The following GPRC5B variants were observed in gnomAD, a reference collection of about 807,000 sequenced individuals.
The protein encoded by GPRC5B is G protein-coupled receptor class C group 5 member B.
A neutral mutation model predicts 30.1 loss-of-function variants in GPRC5B; 16 were observed. The observed-to-expected ratio is 0.53, with a 90% CI of 0.36 to 0.81. GPRC5B has a LOEUF of 0.81. Ranked by LOEUF, GPRC5B falls within the 30% of genes least tolerant of loss-of-function variation. The pLI is 0.01. For missense variants in GPRC5B, 428 were observed against 544.7 expected, an observed-to-expected ratio of 0.79 and a Z score of 2.13; for synonymous variants, 241 against 239.5, an observed-to-expected ratio of 1.01 and a Z score of -0.06.
At position 19,872,777 on chromosome 16, in the gene GPRC5B, G is replaced by A. The variant is rs777829448; in HGVS notation, c.69C>T (p.Ile23=). ...QVLTFLLLFV[I]TSVASENAST... ...TGGCGTTTTCAGAGGCCACCGAGGTGATCACGAAGAGCAGGAGGAAGGTGA... is the reference window on the plus strand; with the variant it reads ...TGGCGTTTTCAGAGGCCACCGAGGTAATCACGAAGAGCAGGAGGAAGGTGA... Residue 23 remains isoleucine (I), a synonymous_variant, in exon 2 of 4, where the codon ATC becomes ATT. Coordinates refer to ENST00000300571, the MANE Select transcript of GPRC5B (RefSeq NM_016235.3). This position sits in a 1 kb window ranked among gnomAD's most constrained non-coding sequence, Gnocchi z 5.0. 6.8e-6 allele frequency: 11 copies of A among 1,613,702 alleles called. 1 individual carries two copies. In the South Asian group the frequency reaches 1.2e-4, roughly 18 times the overall value.
At chr16:19,863,704 T>A (rs2056645175) in intron 2 of GPRC5B, among the ~76,000 whole-genome samples, 1 of 151,948 alleles carries the variant, frequency 6.6e-6, no homozygotes. Context: ...GGTTTCACCA[T>A]GTTGGCCAAG....
Position 19,860,478 on chromosome 16 carries a change from A to T in GPRC5B, c.*22T>A. On this transcript the variant is annotated 3_prime_UTR_variant, in exon 4 of 4. Coordinates refer to ENST00000300571, the MANE Select transcript of GPRC5B (RefSeq NM_016235.3). ...AGGCAAATCGGTAAGAGAAATTCTGATTCTCTGGAACTTAAAGTCTTTCAC... is the reference window on the plus strand; with the variant it reads ...AGGCAAATCGGTAAGAGAAATTCTGTTTCTCTGGAACTTAAAGTCTTTCAC... The T allele has an allele frequency of 5.3e-6, 8 of 1,508,382 alleles. No homozygotes were observed. Among genetic ancestry groups the T allele is most frequent in the Non-Finnish European group, 7.4e-6 (8 of 1,084,432 alleles). The allele number at this position is 1,508,382 out of a possible 1,614,324, so 93.4% of individuals were successfully genotyped here.
chr16:19,878,336 C>T (rs12918906), intron 1 of GPRC5B, among the ~76,000 whole-genome samples: 15,727 of 151,704 alleles, frequency 0.1, 1,066 homozygotes, highest in South Asian at 0.24. Context: ...GACAGAGTCT[C>T]GCTCTGTTGC....
At position 19,858,469 on chromosome 16, in the gene GPRC5B, G is replaced by C. The variant is rs1392753084; in HGVS notation, c.*2031C>G. 2.9e-6 allele frequency: 2 copies of C among 681,940 alleles called. No individual in the cohort carries two copies. Among genetic ancestry groups the C allele is most frequent in the East Asian group, 5.5e-5 (2 of 36,500 alleles). The allele number at this position is 681,940 out of a possible 1,614,324, so 42.2% of individuals were successfully genotyped here. ...ACAATAAAGAACTTAGAAAACGAAC[G>C]TGTGAATTGCTCCATCGTGTGAATG... On this transcript the variant is annotated 3_prime_UTR_variant, in exon 4 of 4. Coordinates refer to ENST00000300571, the MANE Select transcript of GPRC5B (RefSeq NM_016235.3).
intron 2 of GPRC5B, among the ~76,000 whole-genome samples, chr16:19,868,405 T>G (rs966722897): frequency 2.6e-5 from 4 of 151,808 alleles, no homozygotes; most frequent in African/African-American, 4.8e-5. Context: ...AAAGAAAACA[T>G]GAATGTATAA....
At chr16:19,876,369 A>G (rs1259459049) in intron 1 of GPRC5B, among the ~76,000 whole-genome samples, 2 of 152,230 alleles carry the variant, frequency 1.3e-5, no homozygotes, top group Non-Finnish European at 2.9e-5. Context: ...ATCCAGCCCT[A>G]CAGGTCAACT....
intron 1 of GPRC5B, among the ~76,000 whole-genome samples, chr16:19,878,603 T>C (rs527407958): frequency 1.4e-4 from 22 of 152,226 alleles, no homozygotes; most frequent in Non-Finnish European, 3.1e-4. Context: ...CAGATTATTT[T>C]ATTTGTATTA....
chr16:19,871,581 C>A (rs2056719683), intron 2 of GPRC5B, among the ~76,000 whole-genome samples: 1 of 152,192 alleles, frequency 6.6e-6, no homozygotes, highest in Non-Finnish European at 1.5e-5. Flanking sequence ...GAGATTGCAC[C>A]ATTGTGCTCC....
intron 2 of GPRC5B, among the ~76,000 whole-genome samples, chr16:19,871,349 T>C (rs943132223): frequency 6.9e-6 from 1 of 145,850 alleles, no homozygotes; most frequent in Non-Finnish European, 1.5e-5. Flanking sequence ...CTGCTGGGCG[T>C]GGTGGCTCAC....
intron 1 of GPRC5B, among the ~76,000 whole-genome samples, chr16:19,876,395 A>G (rs990172016): frequency 2.4e-4 from 37 of 152,214 alleles, no homozygotes; most frequent in African/African-American, 8.9e-4. Context: ...AAGGTGGAGC[A>G]AGCCTGGTTT....
chr16:19,870,301 G>T (rs1170182591), intron 2 of GPRC5B, among the ~76,000 whole-genome samples: 1 of 152,104 alleles, frequency 6.6e-6, no homozygotes. Flanking sequence ...CCTCTCCCTT[G>T]CAGGGACCAC....
At chr16:19,885,469 CGTT>C (rs2056842888), upstream of GPRC5B, 1 of 1,136,720 alleles carries the variant, frequency 8.8e-7, no homozygotes, top group Non-Finnish European at 1.1e-6. This position sits in a 1 kb window ranked among gnomAD's most constrained non-coding sequence, Gnocchi z 5.3. Flanking sequence ...TCCCAGATGT[CGTT>C]GTCCGTTTAC....
At position 19,884,713 on chromosome 16, in the gene GPRC5B, C is replaced by A. The variant is rs940589846; in HGVS notation, c.-2+14G>T. On this transcript the variant is annotated intron_variant, in intron 1 of 3. Coordinates refer to ENST00000300571, the MANE Select transcript of GPRC5B (RefSeq NM_016235.3). The stretch of plus-strand genomic sequence containing the variant: ...CACAGCGTCCTCCACTGCATCGGCG[C>A]AGCTCGCACTTACCGACCCCCGCGG... The A allele has an allele frequency of 2.3e-4, 230 of 985,226 alleles. 2 individuals are homozygous for A. In the African/African-American group the frequency reaches 3.8e-3, roughly 16 times the overall value. The allele number at this position is 985,226 out of a possible 1,614,324, so 61.0% of individuals were successfully genotyped here. A position where few individuals can be genotyped will look rare whatever the true frequency, so the allele number is the denominator to read the frequency against.
chr16:19,872,732 C>T lies in GPRC5B; in HGVS notation c.114G>A (p.Gly38=), dbSNP rs2056732657. 6.2e-7 allele frequency: 1 copy of T among 1,613,668 alleles called. No homozygotes were observed. Among genetic ancestry groups the T allele is most frequent in the Non-Finnish European group, 8.5e-7 (1 of 1,180,014 alleles). Residue 38 remains glycine, a synonymous_variant, in exon 2 of 4, where the codon GGG becomes GGA. Coordinates refer to ENST00000300571, the MANE Select transcript of GPRC5B (RefSeq NM_016235.3). This position sits in a 1 kb window ranked among gnomAD's most constrained non-coding sequence, Gnocchi z 5.0. ...SENASTSRGC[G]LDLLPQYVSL... The stretch of plus-strand genomic sequence containing the variant: ...ACACGTACTGAGGGAGGAGGTCCAG[C>T]CCACAGCCTCGGGATGTGCTGGCGT...
chr16:19,875,724 C>A (rs1281795857), intron 1 of GPRC5B, among the ~76,000 whole-genome samples: 2 of 151,950 alleles, frequency 1.3e-5, no homozygotes, highest in Non-Finnish European at 2.9e-5. Flanking sequence ...GGTTTCAGTG[C>A]GCCAAGATCT....
At chr16:19,882,960 C>T (rs1384906116) in intron 1 of GPRC5B, among the ~76,000 whole-genome samples, 3 of 152,194 alleles carry the variant, frequency 2.0e-5, no homozygotes, top group African/African-American at 7.2e-5. Context: ...CCTCTTCTAG[C>T]TGGGCTCCAC....
chr16:19,861,997 G>A (rs761763951), intron 2 of GPRC5B, 24 bp from the exon 3 acceptor site: 2 of 1,612,468 alleles, frequency 1.2e-6, no homozygotes, highest in South Asian at 2.2e-5. Context: ...GGATTGGCAA[G>A]ACAACATTGC....
In GPRC5B at chr16:19,861,891, A is replaced by G; in HGVS notation, c.1113T>C (p.Phe371=). ...GSLGKRPSAP[F]RSNVYQPTEM... is the part of the protein sequence containing the mutation. ...CAGTTGGCTGATACACGTTGCTTCT[A>G]AACGGAGCGCTGGGTCTTTTCCCCA... The change falls in exon 3 of 4, where the codon TTT becomes TTC. Residue 371 remains phenylalanine (F), a synonymous_variant. Coordinates refer to ENST00000300571, the MANE Select transcript of GPRC5B (RefSeq NM_016235.3). 6.2e-7 allele frequency: 1 copy of G among 1,613,228 alleles called. No homozygotes were observed. Among genetic ancestry groups the G allele is most frequent in the Non-Finnish European group, 8.5e-7 (1 of 1,179,362 alleles).
intron 1 of GPRC5B, among the ~76,000 whole-genome samples, chr16:19,883,979 GT>G (rs1242626637): frequency 6.6e-6 from 1 of 152,108 alleles, no homozygotes; most frequent in Non-Finnish European, 1.5e-5. Flanking sequence ...GGAAGCCTGT[GT>G]CCCCCAAGGA....
Sources: gnomAD v4.1 joint callset for allele counts (sites outside exome capture counted in the v4.1 genomes callset) on GRCh38, gnomAD v4.1.1 for gene constraint, Gnocchi (gnomAD v3.1) non-coding constraint, MANE v1.5 for transcripts, NCBI Gene and HGNC (gene_info 2026-07-23, HGNC 2026-07-21) for gene names.